CFAP70: variants seen among roughly 807,000 people sequenced by gnomAD.
CFAP70 encodes the protein cilia- and flagella-associated protein 70.
In CFAP70, 81 loss-of-function variants were observed where a neutral mutation model predicts 137.6. The ratio of observed to expected loss-of-function variants is 0.59; its 90% CI spans 0.49 to 0.71. The LOEUF is 0.71. Among genes scored for constraint, CFAP70 ranks in the 30% least tolerant of loss-of-function variants. The pLI, the probability that CFAP70 is intolerant of heterozygous loss-of-function variation, is 0.00. For missense variants in CFAP70, 976 were observed against 1,226.7 expected (o/e 0.80, Z 3.05); for synonymous variants, 382 against 423.6 (o/e 0.90, Z 1.20).
chr10:73,264,923 C>T (rs1242213413), intron 25 of CFAP70, among the ~76,000 whole-genome samples: 1 of 152,220 alleles, frequency 6.6e-6, no homozygotes, highest in Non-Finnish European at 1.5e-5. Context: ...AGGGACATCA[C>T]AGTGTCATCC....
At chr10:73,356,082 G>A (rs1218667946) in intron 1 of CFAP70, among the ~76,000 whole-genome samples, 9 of 152,046 alleles carry the variant, frequency 5.9e-5, no homozygotes, top group African/African-American at 1.9e-4. Context: ...CACTGGAAAA[G>A]GTCTTAATGT....
chr10:73,298,482 T>G lies in CFAP70; in HGVS notation c.1512+425A>C, dbSNP rs1338427176. On this transcript the variant is annotated intron_variant, in intron 14 of 26. Transcript: ENST00000310715. Reference sequence around the variant, plus strand: ...ATTAAATGTATCCTAACTCAAGACATGCTACTCTAGTCCTAATGATTAAGG... The same window carrying G: ...ATTAAATGTATCCTAACTCAAGACAGGCTACTCTAGTCCTAATGATTAAGG... 2.6e-5 allele frequency among the ~76,000 whole-genome samples: 4 copies of G among 152,256 alleles called. No homozygotes were observed. In the East Asian group the frequency reaches 7.7e-4, roughly 29 times the overall value.
At chr10:73,316,498 A>C (rs1335854963) in intron 9 of CFAP70, among the ~76,000 whole-genome samples, 4 of 143,428 alleles carry the variant, frequency 2.8e-5, no homozygotes, top group Admixed American at 7.0e-5. Context: ...ATATATATAT[A>C]TATATATATA....
At chr10:73,349,252 G>C (rs544667117) in intron 3 of CFAP70, among the ~76,000 whole-genome samples, 3 of 151,782 alleles carry the variant, frequency 2.0e-5, no homozygotes, top group Non-Finnish European at 4.4e-5. Flanking sequence ...GAAAAACACT[G>C]CTCTAGGGTG....
intron 8 of CFAP70, among the ~76,000 whole-genome samples, chr10:73,327,687 A>T: frequency 6.6e-6 from 1 of 152,106 alleles, no homozygotes. Context: ...ATTCTTATAC[A>T]CCAATAACAG....
chr10:73,299,203 A>T (rs1407762778), intron 13 of CFAP70, 102 bp from the exon 15 acceptor site: 11 of 837,882 alleles, frequency 1.3e-5, no homozygotes, highest in African/African-American at 1.1e-4. Context: ...ATACTTTATT[A>T]GTTTGTTTGT....
chr10:73,321,093 G>A (rs1324501169), intron 9 of CFAP70, among the ~76,000 whole-genome samples: 1 of 152,038 alleles, frequency 6.6e-6, no homozygotes, highest in South Asian at 2.1e-4. Context: ...ATGAATATGA[G>A]ATTTTTGAAC....
At chr10:73,269,858 T>C (rs1253144711) in intron 24 of CFAP70, 143 bp from the exon 26 acceptor site, 3 of 568,806 alleles carry the variant, frequency 5.3e-6, no homozygotes, top group South Asian at 2.3e-5. Flanking sequence ...GGAAATCTTA[T>C]GTGGTGGTTC....
At chr10:73,322,987 G>A in exon 9 of CFAP70, 1 of 1,613,108 alleles carries the variant, frequency 6.2e-7, no homozygotes, top group Non-Finnish European at 8.5e-7. Flanking sequence ...CACTGTCTAG[G>A]TAAGGGTAAA....
chr10:73,286,872 C>G lies in CFAP70; in HGVS notation c.2239+4354G>C, dbSNP rs368440619. 1.4e-4 allele frequency among the ~76,000 whole-genome samples: 20 copies of G among 139,862 alleles called. No homozygotes were observed. In the East Asian group the frequency reaches 3.9e-3, roughly 27 times the overall value. 91.8% of individuals were successfully genotyped at this position (139,862 alleles called of 152,430 possible). ...CCTTATGGGAAACAAGGGGATGGGC[C>G]GAAACAAAGGGATGGGCTCTGGCTA... On this transcript the variant is annotated intron_variant, in intron 19 of 26. Transcript: ENST00000310715.
exon 9 of CFAP70, chr10:73,323,051 T>C (rs1457152678): frequency 6.2e-7 from 1 of 1,613,662 alleles, no homozygotes; most frequent in Non-Finnish European, 8.5e-7. Flanking sequence ...TGGGACCATA[T>C]TAACATAAGC....
intron 12 of CFAP70, among the ~76,000 whole-genome samples, chr10:73,307,472 A>G (rs1233966441): frequency 6.6e-6 from 1 of 152,220 alleles, no homozygotes; most frequent in African/African-American, 2.4e-5. Flanking sequence ...TGTCTACAAG[A>G]TACTCCCTTT....
intron 9 of CFAP70, among the ~76,000 whole-genome samples, chr10:73,316,240 A>G (rs1244244573): frequency 1.3e-5 from 2 of 151,928 alleles, no homozygotes; most frequent in Non-Finnish European, 2.9e-5. Flanking sequence ...TAAACAGTAT[A>G]TAGTTGAATC....
chr10:73,293,663 C>T (rs7088504), intron 15 of CFAP70: 7,993 of 276,538 alleles, frequency 0.029, 519 homozygotes, highest in African/African-American at 0.15. Flanking sequence ...TGCCTCAACC[C>T]TCAGGGCATT....
chr10:73,297,083 A>G lies in CFAP70; in HGVS notation c.1603T>C (p.Tyr535His), dbSNP rs781086014. The change falls in exon 15 of 27, where the codon TAT becomes CAT. Residue 535 changes from tyrosine (Y) to histidine (H), a missense_variant. Transcript: ENST00000310715. ...TGCATCTGATCTACTAAGAACACAT[A>G]GAGCTCACTGATAAATGTCTGAAGT... The G allele has an allele frequency of 2.5e-5, 40 of 1,613,036 alleles. No individual in the cohort carries two copies. The South Asian group carries it at 2.7e-4, about 11-fold the overall frequency.
chr10:73,285,635 CT>C (rs769793433), intron 19 of CFAP70, among the ~76,000 whole-genome samples: 1,623 of 136,856 alleles, frequency 0.012, 17 homozygotes, highest in African/African-American at 0.035. Context: ...ACTATATTTT[CT>C]TTTTTTTTTT....
At chr10:73,278,223 T>A in exon 20 of CFAP70, 1 of 1,614,062 alleles carries the variant, frequency 6.2e-7, no homozygotes, top group Non-Finnish European at 8.5e-7. Context: ...AGATGGTTTT[T>A]GGCTTATACT....
chr10:73,260,300 C>T (rs757982531), intron 25 of CFAP70, among the ~76,000 whole-genome samples: 10 of 151,712 alleles, frequency 6.6e-5, no homozygotes, highest in Non-Finnish European at 1.3e-4. Flanking sequence ...CTGCACTGCA[C>T]TCCAACCTCA....
At chr10:73,270,390 CTTTT>C (rs1202963005) in intron 24 of CFAP70, among the ~76,000 whole-genome samples, 1 of 147,604 alleles carries the variant, frequency 6.8e-6, no homozygotes, top group Non-Finnish European at 1.5e-5. Flanking sequence ...TTTTTCCTTT[CTTTT>C]TTCTTTTCTT....
Sources: gnomAD v4.1 joint callset for allele counts (sites outside exome capture counted in the v4.1 genomes callset) on GRCh38, gnomAD v4.1.1 for gene constraint, MANE v1.5 for transcripts, NCBI Gene and HGNC (gene_info 2026-07-23, HGNC 2026-07-21) for gene names.